SLCO1C1: variants seen among roughly 807,000 people sequenced by gnomAD.
The protein encoded by SLCO1C1 is OAT-RP-5.
In SLCO1C1, 70 loss-of-function variants were observed where a neutral mutation model predicts 76.4. That is an observed-to-expected ratio of 0.92 (90% CI 0.76 to 1.12). The LOEUF (loss-of-function observed/expected upper bound fraction) is 1.12, where lower values mean the gene tolerates loss of function less well. Among genes scored for constraint, SLCO1C1 ranks in the 50% most tolerant of loss-of-function variants. The probability of loss-of-function intolerance (pLI) is 0.00; values close to 1 mark genes in which losing one functional copy is unlikely to be tolerated. For synonymous variants in SLCO1C1, 306 were observed against 286.1 expected, an observed-to-expected ratio of 1.07 and a Z score of -0.70; for missense variants, 912 against 823.8, an observed-to-expected ratio of 1.11 and a Z score of -1.31.
At chr12:20,716,775 G>A (rs998861578) in intron 6 of SLCO1C1, among the ~76,000 whole-genome samples, 2 of 152,120 alleles carry the variant, frequency 1.3e-5, no homozygotes, top group Admixed American at 6.5e-5. Context: ...TTAACTGAAC[G>A]TAAAATGTTT....
chr12:20,729,241 G>T (rs1948163156), intron 9 of SLCO1C1, among the ~76,000 whole-genome samples: 1 of 152,178 alleles, frequency 6.6e-6, no homozygotes, highest in South Asian at 2.1e-4. Context: ...AATACATCCT[G>T]TGAAATTTGA....
At chr12:20,723,393 G>A (rs1243800364) in intron 9 of SLCO1C1, 139 bp downstream of exon 9, 2 of 1,030,830 alleles carry the variant, frequency 1.9e-6, no homozygotes, top group Admixed American at 3.2e-5. Context: ...TAACAAGAAT[G>A]TTGTAGCAAG....
rs769344059 is a variant in SLCO1C1 at position 20,733,080 on chromosome 12, C to T, written c.1358C>T (p.Ala453Val). 4 of 1,599,310 alleles carry T rather than the reference C, an allele frequency of 2.5e-6. No homozygotes were observed. In the Admixed American group the frequency reaches 5.2e-5, roughly 21 times the overall value. ...FALGCENSDV[A>V]GLTVSYQGTK... Reference sequence around the variant, plus strand: ...CTGGGCTGTGAAAATTCTGATGTGGCAGGACTAACTGTCTCCTACCAAGGG... The same window carrying T: ...CTGGGCTGTGAAAATTCTGATGTGGTAGGACTAACTGTCTCCTACCAAGGG... The change falls in exon 10 of 15, where the codon GCA (alanine) becomes GTA (valine). Residue 453 changes from alanine (A) to valine (V), a missense_variant. By Grantham distance (64) the Ala-to-Val change is moderately conservative. Transcript: ENST00000266509.
intron 11 of SLCO1C1, among the ~76,000 whole-genome samples, chr12:20,738,904 C>T (rs1948674387): frequency 6.6e-6 from 1 of 152,076 alleles, no homozygotes; most frequent in Non-Finnish European, 1.5e-5. Context: ...AAGGTTTCAA[C>T]TTGACATTAC....
rs538653677 is a variant in SLCO1C1, at chr12:20,712,623, C to T, written c.529+1113C>T. Among the ~76,000 whole-genome samples the T allele has an allele frequency of 3.3e-5, 5 of 152,272 alleles. No homozygotes were observed. In the East Asian group the frequency reaches 9.7e-4, roughly 29 times the overall value. ...CATTGTATACAGGCAGAATGGAAGC[C>T]TTTCTAAAATTAATATATACCTGCC... On this transcript the variant is annotated intron_variant, in intron 5 of 14. Coordinates refer to ENST00000266509, the MANE Select transcript of SLCO1C1 (RefSeq NM_017435.5).
At chr12:20,736,418 TAA>T (rs200036454) in intron 10 of SLCO1C1, among the ~76,000 whole-genome samples, 2 of 152,030 alleles carry the variant, frequency 1.3e-5, no homozygotes, top group African/African-American at 4.8e-5. Context: ...AGGCTTCCAG[TAA>T]AATTTTATCA....
chr12:20,742,797 G>C (rs1359706689), intron 12 of SLCO1C1, among the ~76,000 whole-genome samples: 4 of 151,594 alleles, frequency 2.6e-5, no homozygotes, highest in Admixed American at 2.6e-4. Context: ...GGCCTCCCAA[G>C]GTGCTGGGAT....
intron 9 of SLCO1C1, among the ~76,000 whole-genome samples, chr12:20,731,780 CTT>C (rs767767627): frequency 6.6e-5 from 10 of 152,282 alleles, no homozygotes; most frequent in Non-Finnish European, 1.2e-4. Context: ...TTTCCCAAGT[CTT>C]TTGCAATACA....
rs750998270 is a variant in SLCO1C1, at chr12:20,740,204, T to A, written c.1569T>A (p.Cys523Ter). The A allele has an allele frequency of 3.7e-6, 6 of 1,612,320 alleles. No homozygotes were observed. The highest frequency in any genetic ancestry group is 1.7e-5 in the Admixed American group (1 of 59,564). ...TACAGATATTTTACAACTGCACTTG[T>A]GTGGGAATTGCAGCTTCTAAATCCG... ...GKNIIFYNCT[C>*]VGIAASKSGN... is the part of the protein sequence containing the mutation. The change falls in exon 12 of 15, where the codon TGT (cysteine) becomes TGA (stop). Residue 523 changes from cysteine (C) to a stop codon, truncating the protein, a stop_gained. Transcript: ENST00000266509. LOFTEE classifies it high-confidence loss of function.
intron 9 of SLCO1C1, among the ~76,000 whole-genome samples, chr12:20,726,680 CTTTTA>C (rs1199366365): frequency 4.0e-5 from 6 of 151,684 alleles, no homozygotes; most frequent in Middle Eastern, 6.8e-3. Context: ...TTTCTTTTGT[CTTTTA>C]TTTATTATTT....
intron 7 of SLCO1C1, 125 bp downstream of exon 7, chr12:20,717,355 A>G: frequency 1.6e-6 from 1 of 644,876 alleles, no homozygotes; most frequent in Non-Finnish European, 2.5e-6. Flanking sequence ...TTCATAAACT[A>G]AAAATTTTAT....
In SLCO1C1 at chr12:20,737,403, A is replaced by T. The variant is rs889153377; in HGVS notation, c.1548+131A>T. 9 of 917,826 alleles carry T rather than the reference A, an allele frequency of 9.8e-6. No individual in the cohort carries two copies. The Admixed American group carries it at 1.9e-4, about 19-fold the overall frequency. The allele number at this position is 917,826 out of a possible 1,614,324, so 56.9% of individuals were successfully genotyped here. On this transcript the variant is annotated intron_variant, in intron 11 of 14. Coordinates refer to ENST00000266509, the MANE Select transcript of SLCO1C1 (RefSeq NM_017435.5). ...TTACCTCTGCCTGGTCCTTTTTTGT[A>T]GAAAAAGAAAATGTTATAACCATTC...
chr12:20,750,973 T>G, intron 14 of SLCO1C1, 181 bp downstream of exon 14: 1 of 1,244,964 alleles, frequency 8.0e-7, no homozygotes, highest in South Asian at 1.5e-5. Flanking sequence ...ATCTTTGATT[T>G]TGTCCCTATT....
intron 7 of SLCO1C1, among the ~76,000 whole-genome samples, chr12:20,718,918 C>T (rs1947515305): frequency 6.6e-6 from 1 of 152,090 alleles, no homozygotes; most frequent in Non-Finnish European, 1.5e-5. Flanking sequence ...AAAATACAGA[C>T]ATAGCTTGTT....
chr12:20,717,160 A>T lies in SLCO1C1; in HGVS notation c.705A>T (p.Gly235=), dbSNP rs202203402. The T allele has an allele frequency of 9.9e-5, 159 of 1,603,440 alleles. No individual in the cohort carries two copies. The East Asian group carries it at 3.3e-3, about 33-fold the overall frequency. Residue 235 remains glycine (G), a synonymous_variant, in exon 7 of 15, where the codon GGA becomes GGT. Coordinates refer to ENST00000266509, the MANE Select transcript of SLCO1C1 (RefSeq NM_017435.5). ...IGCVQTVAII[G]PIFGFLLGSL... The stretch of plus-strand genomic sequence containing the variant: ...GTGTGCAGACGGTTGCAATTATAGG[A>T]CCAATCTTTGGTTTCCTGTTAGGCT...
At chr12:20,736,918 G>C (rs893278389) in intron 10 of SLCO1C1, among the ~76,000 whole-genome samples, 189 bp from the exon 11 acceptor site, 3 of 152,168 alleles carry the variant, frequency 2.0e-5, no homozygotes, top group Admixed American at 2.0e-4. Flanking sequence ...TAACTTTCAA[G>C]AGAAAGCTGT....
At chr12:20,703,920 G>A (rs1314556174) in intron 3 of SLCO1C1, among the ~76,000 whole-genome samples, 1 of 149,126 alleles carries the variant, frequency 6.7e-6, no homozygotes, top group Non-Finnish European at 1.5e-5. Flanking sequence ...GATGAATTGA[G>A]TAGCTTTCTT....
chr12:20,740,787 T>TTATTTATATATATATATA (rs1948772313), intron 12 of SLCO1C1, among the ~76,000 whole-genome samples: 1 of 75,058 alleles, frequency 1.3e-5, no homozygotes, highest in Non-Finnish European at 2.4e-5. Context: ...TTTATTTTAT[T>TTATTTATATATATATATA]TATATATATA....
chr12:20,722,097 C>T, intron 8 of SLCO1C1, 48 bp downstream of exon 8: 1 of 1,563,010 alleles, frequency 6.4e-7, no homozygotes, highest in Non-Finnish European at 8.6e-7. Flanking sequence ...TCTGTTGGGG[C>T]TTAAGGAGAT....
Sources: allele counts gnomAD v4.1 joint callset (sites outside exome capture counted in the v4.1 genomes callset), GRCh38; gene constraint gnomAD v4.1.1; transcripts MANE v1.5; gene names NCBI Gene and HGNC (gene_info 2026-07-23, HGNC 2026-07-21).